RGS20: variants seen among roughly 807,000 people sequenced by gnomAD.
The protein encoded by RGS20 is gz-selective GTPase-activating protein.
Under a neutral mutation model 33.6 loss-of-function variants are expected in RGS20, and 30 were observed. The ratio of observed to expected loss-of-function variants is 0.89; its 90% CI spans 0.67 to 1.21. RGS20 has a LOEUF of 1.21. Ranked by LOEUF, RGS20 falls within the 50% of genes most tolerant of loss-of-function variation. RGS20 has a pLI of 0.00. For missense variants in RGS20, 472 were observed against 502.4 expected (o/e 0.94, Z 0.58); for synonymous variants, 208 against 197.9 (o/e 1.05, Z -0.43).
chr8:53,865,473 C>T (rs1811898843), intron 1 of RGS20, among the ~76,000 whole-genome samples: 1 of 152,224 alleles, frequency 6.6e-6, no homozygotes, highest in African/African-American at 2.4e-5. Context: ...ATAATAAAAC[C>T]GTATGTGCCC....
intron 1 of RGS20, among the ~76,000 whole-genome samples, chr8:53,868,325 C>T (rs1811965837): frequency 6.6e-6 from 1 of 152,140 alleles, no homozygotes; most frequent in Non-Finnish European, 1.5e-5. Flanking sequence ...ATATCACTCT[C>T]ATAGATTACA....
intron 1 of RGS20, among the ~76,000 whole-genome samples, chr8:53,871,547 G>A (rs1812066703): frequency 1.3e-5 from 2 of 151,930 alleles, no homozygotes; most frequent in South Asian, 4.2e-4. Flanking sequence ...ACCCTGAGAG[G>A]CAGAGGTTGC....
chr8:53,919,231 G>C (rs1249758501), intron 2 of RGS20, among the ~76,000 whole-genome samples: 1 of 151,984 alleles, frequency 6.6e-6, no homozygotes, highest in Admixed American at 6.5e-5. Flanking sequence ...TTTTAAATTG[G>C]GTTTTCTCTC....
At chr8:53,928,979 G>C (rs186944813) in intron 2 of RGS20, among the ~76,000 whole-genome samples, 100 of 152,300 alleles carry the variant, frequency 6.6e-4, no homozygotes, top group African/African-American at 2.1e-3. Flanking sequence ...GGAATAACAA[G>C]GAATGACTTA....
chr8:53,934,048 A>G (rs7843603), intron 2 of RGS20, among the ~76,000 whole-genome samples: 46,408 of 152,034 alleles, frequency 0.31, 7,452 homozygotes, highest in African/African-American at 0.41. Context: ...CTTTACAGAC[A>G]AGCAAATGCT....
At chr8:53,876,592 A>T (rs1812214880) in intron 1 of RGS20, 1 of 152,266 alleles carries the variant, frequency 6.6e-6, no homozygotes, top group South Asian at 2.1e-4. Context: ...AACTTTTCTC[A>T]GATCGAATTT....
chr8:53,887,394 T>A (rs1812579467), intron 2 of RGS20: 1 of 253,626 alleles, frequency 3.9e-6, no homozygotes, highest in Admixed American at 3.9e-5. Flanking sequence ...TCCTGGATAT[T>A]GGCCTTTACA....
At chr8:53,930,799 TCGG>T (rs1813932893) in intron 2 of RGS20, among the ~76,000 whole-genome samples, 1 of 152,162 alleles carries the variant, frequency 6.6e-6, no homozygotes, top group Non-Finnish European at 1.5e-5. Context: ...TCTGCCTGCC[TCGG>T]CCTCCCAAGG....
intron 2 of RGS20, chr8:53,880,905 G>A (rs1812347963): frequency 7.2e-6 from 11 of 1,530,262 alleles, no homozygotes; most frequent in Non-Finnish European, 1.7e-6. Context: ...GGAGAAGAGG[G>A]CTAGAGCAAA....
intron 2 of RGS20, among the ~76,000 whole-genome samples, chr8:53,918,103 C>A (rs910250324): frequency 6.6e-6 from 1 of 152,126 alleles, no homozygotes; most frequent in African/African-American, 2.4e-5. Context: ...AATCATACAC[C>A]GTAAGGCTCA....
chr8:53,859,209 C>T (rs190031880), intron 1 of RGS20, among the ~76,000 whole-genome samples: 1 of 152,316 alleles, frequency 6.6e-6, no homozygotes, highest in Non-Finnish European at 1.5e-5. Flanking sequence ...AACGAACAAA[C>T]TTTTCATATT....
chr8:53,866,281 G>T (rs867368098), intron 1 of RGS20, among the ~76,000 whole-genome samples: 1 of 152,118 alleles, frequency 6.6e-6, no homozygotes, highest in Non-Finnish European at 1.5e-5. Flanking sequence ...TCAGCAAATC[G>T]CAGAAGGTCT....
chr8:53,948,322 G>C (rs971278407), intron 4 of RGS20, among the ~76,000 whole-genome samples: 1 of 134,292 alleles, frequency 7.4e-6, no homozygotes, highest in Non-Finnish European at 1.5e-5. Flanking sequence ...ATATACATAT[G>C]CTATATATAA....
intron 1 of RGS20, among the ~76,000 whole-genome samples, chr8:53,857,165 A>G (rs1263740543): frequency 5.9e-5 from 9 of 152,224 alleles, no homozygotes. Flanking sequence ...GTAGTTTAAC[A>G]CTTGAGATGT....
chr8:53,920,407 G>GT (rs201762734), intron 2 of RGS20, among the ~76,000 whole-genome samples: 66 of 151,554 alleles, frequency 4.4e-4, no homozygotes, highest in South Asian at 2.1e-3. Flanking sequence ...AGTTCTAATT[G>GT]TTTTTTTTGT....
intron 4 of RGS20, among the ~76,000 whole-genome samples, chr8:53,948,584 T>TAA (rs752569710): frequency 3.7e-4 from 24 of 64,286 alleles, no homozygotes; most frequent in East Asian, 1.6e-3. Context: ...ATGCTATATA[T>TAA]GATACAGTAC....
At chr8:53,885,380 G>A (rs937484026) in intron 2 of RGS20, among the ~76,000 whole-genome samples, 2 of 152,176 alleles carry the variant, frequency 1.3e-5, no homozygotes, top group East Asian at 3.9e-4. Flanking sequence ...TTGGGAGGCC[G>A]AGGCGGGTGG....
At chr8:53,952,303 CACACCA>C in intron 4 of RGS20, among the ~76,000 whole-genome samples, 2 of 123,192 alleles carry the variant, frequency 1.6e-5, no homozygotes, top group Middle Eastern at 6.0e-3. Flanking sequence ...GAGCCGAGAT[CACACCA>C]CTGCACTCCA....
chr8:53,879,532 T>C lies in RGS20; in HGVS notation c.440T>C (p.Leu147Pro). The change falls in exon 2 of 6, where the codon CTG becomes CCG. Residue 147 changes from leucine to proline, a missense_variant. By Grantham distance (98) the Leu-to-Pro change is moderately conservative (BLOSUM62 -3). Around this residue, in one of 3 missense-constraint regions of RGS20, gnomAD observed 319 missense variants for 283.4 expected, o/e 1.13. Transcript: ENST00000297313. Reference sequence around the variant, plus strand: ...GGCCGACCCTCGGGGGGTCGTCCGCTGAGGCCCCCCCATCCGGTAGCCAAG... The same window carrying C: ...GGCCGACCCTCGGGGGGTCGTCCGCCGAGGCCCCCCCATCCGGTAGCCAAG... The C allele has an allele frequency of 1.3e-6, 2 of 1,542,028 alleles. No homozygotes were observed. The highest frequency in any genetic ancestry group is 1.2e-5 in the South Asian group (1 of 83,450).
Sources: gnomAD v4.1 joint callset for allele counts (sites outside exome capture counted in the v4.1 genomes callset) on GRCh38, gnomAD v4.1.1 for gene constraint, gnomAD v4.1.1 regional missense constraint, MANE v1.5 for transcripts, NCBI Gene and HGNC (gene_info 2026-07-23, HGNC 2026-07-21) for gene names.